COMMD3: variants seen among roughly 807,000 people sequenced by gnomAD.
COMMD3 encodes COMM domain containing 3.
COMMD3 carries 31 observed loss-of-function variants against 31.2 expected under a neutral mutation model. The observed-to-expected ratio is 0.99, with a 90% CI of 0.75 to 1.34. The LOEUF (loss-of-function observed/expected upper bound fraction) is 1.34. Among genes scored for constraint, COMMD3 ranks in the 40% most tolerant of loss-of-function variants. The pLI, the probability that COMMD3 is intolerant of heterozygous loss-of-function variation, is 0.00. For synonymous variants in COMMD3, 108 were observed against 87.3 expected, an observed-to-expected ratio of 1.24 and a Z score of -1.32; for missense variants, 274 against 236.9, an observed-to-expected ratio of 1.16 and a Z score of -1.03.
chr10:22,319,956 T>TA lies in COMMD3; in HGVS notation c.549dup (p.Asp184ArgfsTer18). The stretch of plus-strand genomic sequence containing the variant: ...TCTTTTAGGACTTGGTGGGGAAACT[T>TA]AAAGATGCTTCGAAAAGCCTGGAAA... On this transcript the variant is annotated frameshift_variant, in exon 8 of 8. Coordinates refer to ENST00000376836, the MANE Select transcript of COMMD3 (RefSeq NM_012071.4). LOFTEE classifies it high-confidence loss of function. The TA allele has an allele frequency of 2.5e-6, 4 of 1,614,076 alleles. No homozygotes were observed. In the African/African-American group the frequency reaches 4.0e-5, roughly 16 times the overall value.
intron 1 of COMMD3, 93 bp downstream of exon 1, chr10:22,316,649 G>A (rs1027175075): frequency 1.5e-6 from 2 of 1,379,050 alleles, no homozygotes; most frequent in African/African-American, 1.5e-5. Context: ...GGAAAGCCCC[G>A]GGAAGAGGAA....
chr10:22,318,954 C>T lies in COMMD3; in HGVS notation c.469-5C>T, dbSNP rs1452303640. 8 of 1,611,818 alleles carry T rather than the reference C, an allele frequency of 5.0e-6. No individual in the cohort carries two copies. The highest frequency in any genetic ancestry group is 6.8e-6 in the Non-Finnish European group (8 of 1,179,376). On this transcript the variant is annotated splice_region_variant and splice_polypyrimidine_tract_variant and intron_variant, in intron 6 of 7. Transcript: ENST00000376836. ...TCTTGTTGCGTGTTTTTTTTCCTGC[C>T]CTAGAACACTGATTCCCCATCCTAT... is the stretch of plus-strand genomic sequence containing the variant.
In COMMD3 at chr10:22,318,412, G is replaced by C. The variant is rs551345989; in HGVS notation, c.350+106G>C. 31 of 1,459,538 alleles carry C rather than the reference G, an allele frequency of 2.1e-5. 1 individual carries two copies. The highest frequency in any genetic ancestry group is 2.8e-5 in the Non-Finnish European group (30 of 1,078,726). The allele number at this position is 1,459,538 out of a possible 1,614,324, so 90.4% of individuals were successfully genotyped here. ...TTCGGGATCTTGACCCAAAGAAAAGGAGCCAAAGGGCATGTCAAGCAATTG... is the reference window on the plus strand; with the variant it reads ...TTCGGGATCTTGACCCAAAGAAAAGCAGCCAAAGGGCATGTCAAGCAATTG... On this transcript the variant is annotated intron_variant, in intron 4 of 7. Transcript: ENST00000376836.
Position 22,317,965 on chromosome 10 carries a change from G to A in COMMD3, c.221G>A (p.Gly74Glu), listed in dbSNP as rs763582726. The change falls in exon 2 of 8, where the codon GGA (glycine) becomes GAA (glutamate). Residue 74 changes from glycine to glutamate, a missense_variant. Coordinates refer to ENST00000376836, the MANE Select transcript of COMMD3 (RefSeq NM_012071.4). ...GCTGCAACTTACATACTAGAGGCAG[G>A]AAAGCACCGAGCTGACAAGTCAACT... ...AAAATYILEA[G>E]KHRADKSTLS... 3.7e-6 allele frequency: 6 copies of A among 1,613,948 alleles called. No homozygotes were observed. In the South Asian group the frequency reaches 6.6e-5, roughly 18 times the overall value.
chr10:22,318,131 A>G lies in COMMD3; in HGVS notation c.278A>G (p.Asp93Gly), dbSNP rs1263954988. The G allele has an allele frequency of 8.7e-6, 14 of 1,612,894 alleles. No individual in the cohort carries two copies. The highest frequency in any genetic ancestry group is 8.5e-6 in the Non-Finnish European group (10 of 1,179,762). The change falls in exon 3 of 8, where the codon GAC becomes GGC. Residue 93 changes from aspartate to glycine, a missense_variant. Physicochemically the swap from Asp to Gly is moderately conservative, Grantham distance 94. Transcript: ENST00000376836. ...ACTTATCTAGAAGACTGTAAATTTGACAGAGAGCGAATAGAACTGTTTTGC... is the reference window on the plus strand; with the variant it reads ...ACTTATCTAGAAGACTGTAAATTTGGCAGAGAGCGAATAGAACTGTTTTGC... ...LSTYLEDCKF[D>G]RERIELFCTE...
Position 22,320,051 on chromosome 10 carries a change from G to C in COMMD3, c.*53G>C. The C allele has an allele frequency of 6.2e-7, 1 of 1,613,872 alleles. No homozygotes were observed. Among genetic ancestry groups the C allele is most frequent in the South Asian group, 1.1e-5 (1 of 91,050 alleles). The stretch of plus-strand genomic sequence containing the variant: ...TGCAGAGGAAAACCAGAAACGCCTT[G>C]CCTTCAGCTGAACCACCGTTTGTGC... On this transcript the variant is annotated 3_prime_UTR_variant, in exon 8 of 8. Transcript: ENST00000376836.
chr10:22,317,714 T>C (rs1290456713), intron 1 of COMMD3, 170 bp from the exon 2 acceptor site: 1 of 582,158 alleles, frequency 1.7e-6, no homozygotes, highest in African/African-American at 1.9e-5. Flanking sequence ...TTTTTATTGT[T>C]TTTCACTTGA....
chr10:22,318,766 T>C, intron 5 of COMMD3, 40 bp from the exon 6 acceptor site: 1 of 1,613,482 alleles, frequency 6.2e-7, no homozygotes. Flanking sequence ...TCTTAAAACC[T>C]AGAGTTAAAA....
intron 7 of COMMD3, 44 bp downstream of exon 7, chr10:22,319,062 G>A: frequency 1.2e-5 from 18 of 1,545,090 alleles, no homozygotes; most frequent in Non-Finnish European, 1.6e-5. Flanking sequence ...TTTTATAAAT[G>A]TTTACTTGAG....
In COMMD3 at chr10:22,317,873, A is replaced by C; in HGVS notation, c.140-11A>C. The C allele has an allele frequency of 1.9e-6, 3 of 1,611,866 alleles. No homozygotes were observed. Among genetic ancestry groups the C allele is most frequent in the Non-Finnish European group, 2.5e-6 (3 of 1,179,140 alleles). On this transcript the variant is annotated splice_polypyrimidine_tract_variant and intron_variant, in intron 1 of 7. Transcript: ENST00000376836. ...TTATCATAGGCATCACTGGAAGTTA[A>C]TTTATTTTAGATCATCCAGACTTGA...
At position 22,318,208 on chromosome 10, in the gene COMMD3, TCTTTTA is replaced by T. The variant is rs760220208; in HGVS notation, c.315+45_315+50del. 5.0e-6 allele frequency: 8 copies of T among 1,595,194 alleles called. No individual in the cohort carries two copies. The African/African-American group carries it at 8.2e-5, about 16-fold the overall frequency. On this transcript the variant is annotated intron_variant, in intron 3 of 7. Coordinates refer to ENST00000376836, the MANE Select transcript of COMMD3 (RefSeq NM_012071.4). ...AATTTTTAATTAACAGTACTATTTTTCTTTTACTTTGTTTGTAAAGATGTTTTTTTT... is the reference window on the plus strand; with the variant it reads ...AATTTTTAATTAACAGTACTATTTTTCTTTGTTTGTAAAGATGTTTTTTTT...
intron 4 of COMMD3, 82 bp from the exon 5 acceptor site, chr10:22,318,571 G>T (rs1333110581): frequency 7.6e-7 from 1 of 1,309,494 alleles, no homozygotes; most frequent in African/African-American, 1.5e-5. Flanking sequence ...GGGGTGGAAA[G>T]TAGAGCCATT....
chr10:22,317,024 C>T (rs1835863984), intron 1 of COMMD3: 1 of 152,788 alleles, frequency 6.5e-6, no homozygotes, highest in Admixed American at 6.5e-5. Flanking sequence ...CAACTTAGAG[C>T]ATACCTCAAG....
Position 22,319,926 on chromosome 10 carries a change from A to G in COMMD3, c.529-13A>G, listed in dbSNP as rs139836993. 2.5e-3 allele frequency: 4,081 copies of G among 1,614,048 alleles called. 5 individuals carry two copies. The highest frequency in any genetic ancestry group is 3.5e-3 in the Middle Eastern group (21 of 6,062). ...TTATCCTAAAAACGTGGTATTGTAT[A>G]CACGTCTTTTAGGACTTGGTGGGGA... On this transcript the variant is annotated splice_polypyrimidine_tract_variant and intron_variant, in intron 7 of 7. Coordinates refer to ENST00000376836, the MANE Select transcript of COMMD3 (RefSeq NM_012071.4).
At chr10:22,319,850 CTGATTT>C in intron 7 of COMMD3, 83 bp from the exon 8 acceptor site, 1 of 1,521,332 alleles carries the variant, frequency 6.6e-7, no homozygotes, top group Non-Finnish European at 9.0e-7. Context: ...AAGGTGTGTC[CTGATTT>C]TTTTTCTTGC....
In COMMD3 at chr10:22,318,852, T is replaced by C. The variant is rs1277610505; in HGVS notation, c.458T>C (p.Leu153Ser). ...TACAGACCTGCATATTTGGTGACCT[T>C]AAGTGTACAGGTATTTATAGATAAG... ...RMYRPAYLVT[L>S]SVQNTDSPSY... Residue 153 changes from leucine to serine, a missense_variant, in exon 6 of 8, where the codon TTA becomes TCA. Physicochemically the swap from Leu to Ser is moderately radical, Grantham distance 145. Transcript: ENST00000376836. 2 of 1,613,790 alleles carry C rather than the reference T, an allele frequency of 1.2e-6. No individual in the cohort carries two copies. The highest frequency in any genetic ancestry group is 1.7e-6 in the Non-Finnish European group (2 of 1,179,746).
intron 7 of COMMD3, chr10:22,319,687 G>C (rs1588615270): frequency 2.6e-6 from 1 of 381,504 alleles, no homozygotes; most frequent in East Asian, 5.1e-5. Context: ...AAATTCAGAT[G>C]TATCTGGGCG....
chr10:22,318,032 T>TA, intron 2 of COMMD3, 37 bp downstream of exon 2: 1 of 1,611,306 alleles, frequency 6.2e-7, no homozygotes. Flanking sequence ...TATTTTCAAA[T>TA]ACTACCTTAA....
In COMMD3 at chr10:22,319,869, C is replaced by T. The variant is rs1326158579; in HGVS notation, c.529-70C>T. On this transcript the variant is annotated intron_variant, in intron 7 of 7. Coordinates refer to ENST00000376836, the MANE Select transcript of COMMD3 (RefSeq NM_012071.4). ...TGTGTCCTGATTTTTTTTCTTGCATCTTTCTTGAGCTTGGATACTTCTTTC... is the reference window on the plus strand; with the variant it reads ...TGTGTCCTGATTTTTTTTCTTGCATTTTTCTTGAGCTTGGATACTTCTTTC... 9.3e-5 allele frequency: 146 copies of T among 1,568,620 alleles called. 1 individual carries two copies. In the Admixed American group the frequency reaches 9.5e-4, roughly 10 times the overall value.
Sources: gnomAD v4.1 joint callset for allele counts on GRCh38, gnomAD v4.1.1 for gene constraint, MANE v1.5 for transcripts, NCBI Gene and HGNC (gene_info 2026-07-23, HGNC 2026-07-21) for gene names.